The following NBPF3 variants were observed in gnomAD, a reference collection of about 807,000 sequenced individuals.
NBPF3 encodes the protein NBPF family member NBPF3.
In NBPF3, 57 loss-of-function variants were observed where a neutral mutation model predicts 78.1. That is an observed-to-expected ratio of 0.73 (90% CI 0.59 to 0.91). The LOEUF is 0.91. Among genes scored for constraint, NBPF3 ranks in the 40% least tolerant of loss-of-function variants. The probability of loss-of-function intolerance (pLI) is 0.00; values close to 1 mark genes in which losing one functional copy is unlikely to be tolerated. For missense variants in NBPF3, 510 were observed against 715.3 expected, an observed-to-expected ratio of 0.71 and a Z score of 3.27; for synonymous variants, 182 against 271.7, an observed-to-expected ratio of 0.67 and a Z score of 3.25.
In NBPF3 at chr1:21,470,738, AG is replaced by A. The variant is rs775472446; in HGVS notation, c.446+5del. The A allele has an allele frequency of 1.9e-6, 3 of 1,592,588 alleles. No individual in the cohort carries two copies. Among genetic ancestry groups the A allele is most frequent in the Non-Finnish European group, 2.6e-6 (3 of 1,165,678 alleles). ...TCGGGCAAGCTGAGGAGCTCAGGTG[AG>A]TGGGCCCCCTGGGGTCAGGCAGGTG... On this transcript the variant is annotated splice_donor_5th_base_variant and intron_variant, in intron 4 of 14. Coordinates refer to ENST00000318249, the MANE Select transcript of NBPF3 (RefSeq NM_032264.6).
chr1:21,459,069 A>G (rs1169493312), intron 2 of NBPF3, among the ~76,000 whole-genome samples: 2 of 152,226 alleles, frequency 1.3e-5, no homozygotes, highest in Admixed American at 6.5e-5. Flanking sequence ...CGTAAAAGCA[A>G]TTGGTGAGAA....
chr1:21,459,214 T>C (rs1191030098), intron 2 of NBPF3, among the ~76,000 whole-genome samples: 1 of 152,220 alleles, frequency 6.6e-6, no homozygotes, highest in Non-Finnish European at 1.5e-5. Flanking sequence ...TAAAAGCTAA[T>C]TTCAAAATAT....
chr1:21,438,269 T>C (rs1640466329), upstream of NBPF3, among the ~76,000 whole-genome samples: 8 of 151,974 alleles, frequency 5.3e-5, no homozygotes, highest in South Asian at 1.5e-3. Flanking sequence ...TGCACCACCA[T>C]GTCTGGCTAA....
At position 21,473,457 on chromosome 1, in the gene NBPF3, A is replaced by G. The variant is rs759765302; in HGVS notation, c.812A>G (p.His271Arg). 4 of 1,614,126 alleles carry G rather than the reference A, an allele frequency of 2.5e-6. No homozygotes were observed. The highest frequency in any genetic ancestry group is 1.3e-5 in the African/African-American group (1 of 75,004). Reference sequence around the variant, plus strand: ...TGTGCCATCACTTGTTCAAATAGCCACCACCCTTGTGAGTCCAACCAGCCT... The same window carrying G: ...TGTGCCATCACTTGTTCAAATAGCCGCCACCCTTGTGAGTCCAACCAGCCT... Reference protein sequence around the residue: ...EECAITCSNSHHPCESNQPYG... With the variant: ...EECAITCSNSRHPCESNQPYG... The change falls in exon 7 of 15, where the codon CAC becomes CGC. Residue 271 changes from histidine to arginine, a missense_variant. Physicochemically the swap from His to Arg is conservative, Grantham distance 29. Around this residue, in one of 5 missense-constraint regions of NBPF3, gnomAD observed 440 missense variants for 478.2 expected, o/e 0.92. Transcript: ENST00000318249.
Position 21,461,135 on chromosome 1 carries a change from G to A in NBPF3, c.134-7553G>A, listed in dbSNP as rs538340714. On this transcript the variant is annotated intron_variant, in intron 2 of 14. Transcript: ENST00000318249. Reference sequence around the variant, plus strand: ...AATGGCCTACATCTTTCATAGAAATGTAAAATAATACAATGACTTTGCAAA... The same window carrying A: ...AATGGCCTACATCTTTCATAGAAATATAAAATAATACAATGACTTTGCAAA... 2.6e-5 allele frequency among the ~76,000 whole-genome samples: 4 copies of A among 152,258 alleles called. No individual in the cohort carries two copies. The South Asian group carries it at 8.3e-4, about 32-fold the overall frequency.
intron 9 of NBPF3, among the ~76,000 whole-genome samples, chr1:21,478,600 A>G (rs757207408): frequency 2.6e-5 from 4 of 152,238 alleles, no homozygotes; most frequent in Non-Finnish European, 5.9e-5. Context: ...GCTGTGCAGC[A>G]TATGTCCAGG....
intron 2 of NBPF3, among the ~76,000 whole-genome samples, chr1:21,447,838 T>C (rs1641078643): frequency 6.6e-6 from 1 of 152,234 alleles, no homozygotes; most frequent in Non-Finnish European, 1.5e-5. Context: ...CCTTTTTGAA[T>C]TTTAGCCATT....
At chr1:21,468,487 T>C (rs1179033546) in intron 2 of NBPF3, 1 of 1,444,532 alleles carries the variant, frequency 6.9e-7, no homozygotes, top group Non-Finnish European at 9.1e-7. Context: ...GACTGAGCTA[T>C]TGGCAGTGCC....
chr1:21,472,991 A>C (rs1190027979), intron 6 of NBPF3, 76 bp downstream of exon 6: 1 of 1,146,338 alleles, frequency 8.7e-7, no homozygotes. Flanking sequence ...CCTCTCTGGC[A>C]TCTATGATGG....
At chr1:21,437,541 G>T, upstream of NBPF3, 1 of 1,352,034 alleles carries the variant, frequency 7.4e-7, no homozygotes. Flanking sequence ...AGGTGCTGGG[G>T]AGGTCTGAGC....
chr1:21,444,714 T>C (rs1005558860), intron 1 of NBPF3, among the ~76,000 whole-genome samples: 7 of 152,254 alleles, frequency 4.6e-5, no homozygotes, highest in African/African-American at 1.7e-4. Flanking sequence ...TGTGCCACCA[T>C]GCTCAGCTTA....
At position 21,472,871 on chromosome 1, in the gene NBPF3, T is replaced by C. The variant is rs1570068468; in HGVS notation, c.690T>C (p.Val230=). The change falls in exon 6 of 15, where the codon GTT becomes GTC. Residue 230 remains valine, a synonymous_variant. Transcript: ENST00000318249. ...ATGATGACGATGAGGATGAAGATGT[T>C]AAAGTTGAGGAGGCTGAGAAAGTAC... The part of the protein sequence containing the change: ...PENDDDEDED[V]KVEEAEKVQE... The C allele has an allele frequency of 6.2e-7, 1 of 1,612,974 alleles. No individual in the cohort carries two copies. The highest frequency in any genetic ancestry group is 2.2e-5 in the East Asian group (1 of 44,878).
Position 21,483,981 on chromosome 1 carries a change from A to G in NBPF3, c.*595A>G, listed in dbSNP as rs1455335938. 1.3e-5 allele frequency: 2 copies of G among 154,180 alleles called. No homozygotes were observed. The highest frequency in any genetic ancestry group is 6.3e-5 in the Admixed American group (1 of 15,780). The allele number at this position is 154,180 out of a possible 1,614,324, so 9.6% of individuals were successfully genotyped here. A position where few individuals can be genotyped will look rare whatever the true frequency, so the allele number is the denominator to read the frequency against. ...ATCAATACTTAGGAAGACCACAGCT[A>G]GACGGACAAACAGCATTGGGAGGCC... On this transcript the variant is annotated 3_prime_UTR_variant, in exon 15 of 15. Transcript: ENST00000318249.
chr1:21,471,528 TCCC>T, intron 4 of NBPF3, 38 bp from the exon 5 acceptor site: 2 of 1,611,576 alleles, frequency 1.2e-6, no homozygotes, highest in Non-Finnish European at 1.7e-6. Flanking sequence ...TGATCACTCA[TCCC>T]TTTCCACTGT....
chr1:21,475,146 T>C (rs1409806291), intron 8 of NBPF3, among the ~76,000 whole-genome samples, 195 bp downstream of exon 8: 1 of 152,236 alleles, frequency 6.6e-6, no homozygotes, highest in East Asian at 1.9e-4. Flanking sequence ...AGATAGGAAC[T>C]TGCAATCAGA....
rs1241246785 is a variant in NBPF3 at position 21,460,463 on chromosome 1, G to A, written c.134-8225G>A. ...TTGTTCAGTTCCCATCCATGAGTGA[G>A]AACGTGCTCACGCTGCTACTTCTAA... On this transcript the variant is annotated intron_variant, in intron 2 of 14. Transcript: ENST00000318249. This position sits in a 1 kb window ranked among gnomAD's most constrained non-coding sequence, Gnocchi z 4.2. Among the ~76,000 whole-genome samples, 1 of 152,150 alleles carries A rather than the reference G, an allele frequency of 6.6e-6. No homozygotes were observed. Among genetic ancestry groups the A allele is most frequent in the African/African-American group, 2.4e-5 (1 of 41,430 alleles).
chr1:21,436,924 C>T, upstream of NBPF3: 1 of 386,930 alleles, frequency 2.6e-6, no homozygotes, highest in Non-Finnish European at 4.5e-6. The surrounding 1 kb of genome is among the most constrained non-coding windows in gnomAD (Gnocchi z 4.3). Context: ...AGTCTGAGCG[C>T]CCTGGGGTGC....
upstream of NBPF3, chr1:21,437,571 A>T: frequency 9.8e-7 from 1 of 1,015,722 alleles, no homozygotes; most frequent in Non-Finnish European, 1.4e-6. Flanking sequence ...CTGAAGAATA[A>T]GTCAGCGTTT....
upstream of NBPF3, among the ~76,000 whole-genome samples, chr1:21,438,270 G>T (rs572599139): frequency 2.0e-5 from 3 of 151,768 alleles, no homozygotes; most frequent in South Asian, 6.2e-4. Context: ...GCACCACCAT[G>T]TCTGGCTAAT....
Sources: gnomAD v4.1 joint callset for allele counts (sites outside exome capture counted in the v4.1 genomes callset) on GRCh38, gnomAD v4.1.1 for gene constraint, gnomAD v4.1.1 regional missense constraint, Gnocchi (gnomAD v3.1) non-coding constraint, MANE v1.5 for transcripts, NCBI Gene and HGNC (gene_info 2026-07-23, HGNC 2026-07-21) for gene names.